The following CDH12 variants were observed in gnomAD, a reference collection of about 807,000 sequenced individuals.
CDH12 encodes cadherin-12.
Under a neutral mutation model 74.1 loss-of-function variants are expected in CDH12, and 41 were observed. That is an observed-to-expected ratio of 0.55 (90% confidence interval 0.43 to 0.72). The LOEUF is 0.72. CDH12 is among the 30% of genes least tolerant of loss of function. The pLI, the probability that CDH12 is intolerant of heterozygous loss-of-function variation, is 0.00. For missense variants in CDH12, 945 were observed against 977.2 expected (o/e 0.97, Z 0.44); for synonymous variants, 399 against 355.0 (o/e 1.12, Z -1.39).
chr5:22,795,007 A>G (rs962675261), intron 1 of CDH12, among the ~76,000 whole-genome samples: 1 of 152,302 alleles, frequency 6.6e-6, no homozygotes, highest in Middle Eastern at 3.4e-3. Flanking sequence ...TTGGTGCCAA[A>G]AAATGAAGGT....
chr5:22,519,902 A>G (rs1229551217), intron 1 of CDH12, among the ~76,000 whole-genome samples: 1 of 152,210 alleles, frequency 6.6e-6, no homozygotes, highest in Non-Finnish European at 1.5e-5. Flanking sequence ...AGTGCCTGGA[A>G]TATAGAGCAC....
chr5:21,905,094 T>C (rs1375831158), intron 6 of CDH12, among the ~76,000 whole-genome samples: 1 of 152,134 alleles, frequency 6.6e-6, no homozygotes, highest in Non-Finnish European at 1.5e-5. Context: ...TAGGGATAGA[T>C]GGTAAATAGA....
At chr5:22,347,134 G>C (rs771677991) in intron 3 of CDH12, among the ~76,000 whole-genome samples, 10 of 152,270 alleles carry the variant, frequency 6.6e-5, no homozygotes, top group Non-Finnish European at 8.8e-5. Flanking sequence ...AGTGAATATT[G>C]ATTGTCAACT....
chr5:21,755,651 G>T lies in CDH12; in HGVS notation c.1825C>A (p.Pro609Thr). Residue 609 changes from proline to threonine, a missense_variant, in exon 14 of 15, where the codon CCT (proline) becomes ACT (threonine). By Grantham distance (38) the Pro-to-Thr change is conservative. Around this residue, in one of 3 missense-constraint regions of CDH12, gnomAD observed 791 missense variants for 792.8 expected, o/e 1.00. Coordinates refer to ENST00000382254, the MANE Select transcript of CDH12 (RefSeq NM_004061.5). ...AACGCCCCAGTGCTAAGTCCTACAG[G>T]TAGAAAAATTGCTTCCACATTACAA... ...LSCNVEAIFL[P>T]VGLSTGALIA... 6.2e-7 allele frequency: 1 copy of T among 1,613,940 alleles called. No individual in the cohort carries two copies.
chr5:22,676,424 C>T (rs1461043923), intron 1 of CDH12, among the ~76,000 whole-genome samples: 1 of 152,112 alleles, frequency 6.6e-6, no homozygotes, highest in Non-Finnish European at 1.5e-5. Flanking sequence ...TTATGTGCTC[C>T]ACCAGCCGTA....
At chr5:22,552,266 G>A (rs951058866) in intron 1 of CDH12, among the ~76,000 whole-genome samples, 2 of 151,842 alleles carry the variant, frequency 1.3e-5, no homozygotes, top group Admixed American at 1.3e-4. Context: ...TCTTGTTGTT[G>A]CTTTTTTAAA....
chr5:21,827,290 G>A (rs1307084389), intron 8 of CDH12, among the ~76,000 whole-genome samples: 2 of 152,122 alleles, frequency 1.3e-5, no homozygotes, highest in Non-Finnish European at 2.9e-5. Context: ...TAGCTAGACT[G>A]AGTGATGCAA....
At chr5:22,676,158 T>C (rs928442547) in intron 1 of CDH12, among the ~76,000 whole-genome samples, 3 of 151,752 alleles carry the variant, frequency 2.0e-5, no homozygotes, top group Non-Finnish European at 4.4e-5. Context: ...TTTATTCTCA[T>C]TGTTGTAACA....
intron 1 of CDH12, among the ~76,000 whole-genome samples, chr5:22,673,801 A>T (rs1741025105): frequency 6.6e-6 from 1 of 152,226 alleles, no homozygotes; most frequent in African/African-American, 2.4e-5. Flanking sequence ...AAGGAAAAAT[A>T]GTTACTGTAT....
intron 1 of CDH12, among the ~76,000 whole-genome samples, chr5:22,742,092 G>A (rs1213807348): frequency 6.6e-6 from 1 of 152,002 alleles, no homozygotes; most frequent in African/African-American, 2.4e-5. Flanking sequence ...TGAGGCAGGA[G>A]AATCACTTGA....
chr5:21,924,955 T>A (rs1754521760), intron 6 of CDH12, among the ~76,000 whole-genome samples: 1 of 152,222 alleles, frequency 6.6e-6, no homozygotes, highest in Non-Finnish European at 1.5e-5. Flanking sequence ...CCAGTATATA[T>A]CTTCCTGGAG....
chr5:22,059,329 TATCTATC>T (rs1741007172), intron 5 of CDH12, among the ~76,000 whole-genome samples: 1 of 149,132 alleles, frequency 6.7e-6, no homozygotes, highest in African/African-American at 2.5e-5. Flanking sequence ...ATCTATCGTC[TATCTATC>T]ATCTATCTAT....
At chr5:22,124,517 A>T (rs115852220) in intron 4 of CDH12, among the ~76,000 whole-genome samples, 1 of 151,884 alleles carries the variant, frequency 6.6e-6, no homozygotes, top group African/African-American at 2.4e-5. Flanking sequence ...TTTAACCTCT[A>T]ACTTCCTTTT....
intron 2 of CDH12, among the ~76,000 whole-genome samples, chr5:22,416,564 A>G (rs1313770442): frequency 6.6e-6 from 1 of 152,200 alleles, no homozygotes; most frequent in East Asian, 1.9e-4. Context: ...TAAAGATCAA[A>G]TCAAAAGTGT....
At chr5:22,246,139 G>T (rs1752937460) in intron 3 of CDH12, among the ~76,000 whole-genome samples, 1 of 152,054 alleles carries the variant, frequency 6.6e-6, no homozygotes, top group African/African-American at 2.4e-5. Flanking sequence ...TTTATATTTT[G>T]AATAAGCATT....
At chr5:21,859,527 G>T (rs765527466) in intron 6 of CDH12, among the ~76,000 whole-genome samples, 2 of 151,764 alleles carry the variant, frequency 1.3e-5, no homozygotes, top group African/African-American at 4.8e-5. Flanking sequence ...ACCATTTCTC[G>T]CATAGCCAGG....
chr5:22,321,725 A>T (rs1171425927), intron 3 of CDH12, among the ~76,000 whole-genome samples: 8 of 152,138 alleles, frequency 5.3e-5, no homozygotes, highest in African/African-American at 1.9e-4. Context: ...TAGACTATAG[A>T]TGGAATTAAA....
At chr5:22,826,897 C>G (rs1355010962) in intron 1 of CDH12, among the ~76,000 whole-genome samples, 1 of 152,080 alleles carries the variant, frequency 6.6e-6, no homozygotes, top group Non-Finnish European at 1.5e-5. Flanking sequence ...TCTGACAATG[C>G]AATAGTAAAG....
chr5:22,180,661 C>T (rs1253893306), intron 4 of CDH12, among the ~76,000 whole-genome samples: 1 of 151,950 alleles, frequency 6.6e-6, no homozygotes, highest in Admixed American at 6.6e-5. Context: ...TATAGGCATG[C>T]ACCACAATGC....
Sources: allele counts gnomAD v4.1 joint callset (sites outside exome capture counted in the v4.1 genomes callset), GRCh38; gene constraint gnomAD v4.1.1; regional missense constraint gnomAD v4.1.1; transcripts MANE v1.5; gene names NCBI Gene and HGNC (gene_info 2026-07-23, HGNC 2026-07-21).